The following TTN variants were observed in gnomAD, a reference collection of about 807,000 sequenced individuals.
TTN encodes the protein titin.
In TTN, 1,525 loss-of-function variants were observed where a neutral mutation model predicts 3,223.0. The ratio of observed to expected loss-of-function variants is 0.47; its 90% CI spans 0.45 to 0.49. TTN has a LOEUF of 0.49. Ranked by LOEUF, TTN falls within the 20% of genes least tolerant of loss-of-function variation. The probability of loss-of-function intolerance (pLI) is 0.00; values close to 1 mark genes in which losing one functional copy is unlikely to be tolerated. For synonymous variants in TTN, 14,094 were observed against 15,161.0 expected (o/e 0.93, Z 5.17); for missense variants, 40,786 against 43,424.0 (o/e 0.94, Z 5.40).
At chr2:178,545,308 C>G in intron 344 of TTN, 80 bp downstream of exon 344, 1 of 1,349,504 alleles carries the variant, frequency 7.4e-7, no homozygotes, top group Non-Finnish European at 9.8e-7. Flanking sequence ...TCTAAAAATT[C>G]TTAGAGATTG....
chr2:178,701,228 A>C, intron 110 of TTN, 25 bp from the exon 111 acceptor site: 1 of 1,589,446 alleles, frequency 6.3e-7, no homozygotes, highest in Non-Finnish European at 8.6e-7. Context: ...TGCCGTTAGT[A>C]ACATGTTTTA....
Position 178,769,815 on chromosome 2 carries a change from C to CTCAA in TTN, c.8762_8765dup (p.Glu2922AspfsTer2). ...CAACTATCTTGAACTTTTCACTCAT[C>CTCAA]TCAATTTCCACACCATTCTTCAGCC... On this transcript the variant is annotated stop_gained and frameshift_variant, in exon 37 of 363. Coordinates refer to ENST00000589042, the MANE Select transcript of TTN (RefSeq NM_001267550.2). LOFTEE classifies it high-confidence loss of function. 6.2e-7 allele frequency: 1 copy of CTCAA among 1,614,022 alleles called. No individual in the cohort carries two copies. The highest frequency in any genetic ancestry group is 8.5e-7 in the Non-Finnish European group (1 of 1,179,990).
rs767877928 is a variant in TTN, at chr2:178,634,861, T to TA, written c.42025-13dup. 8.7e-6 allele frequency: 14 copies of TA among 1,602,580 alleles called. No homozygotes were observed. The highest frequency in any genetic ancestry group is 1.2e-5 in the Non-Finnish European group (14 of 1,176,762). On this transcript the variant is annotated splice_polypyrimidine_tract_variant and intron_variant, in intron 228 of 362. Transcript: ENST00000589042. The surrounding 1 kb of genome is among the most constrained non-coding windows in gnomAD (Gnocchi z 4.6). ...TTGATTTCACAAGTCTGAAAAACAA[T>TA]AGTTTTAGTAACCATTTGAAAGAGA...
In TTN at chr2:178,632,946, G is replaced by A. The variant is rs1057519234; in HGVS notation, c.43185C>T (p.Ala14395=). 2.5e-6 allele frequency: 4 copies of A among 1,612,892 alleles called. No homozygotes were observed. The highest frequency in any genetic ancestry group is 1.1e-5 in the South Asian group (1 of 90,984). The change falls in exon 234 of 363, where the codon GCC becomes GCT. Residue 14395 remains alanine, a synonymous_variant. Transcript: ENST00000589042. ...TCACTTTCAGATTGGCTGCAGATTT[G>A]GCATTAGCAGCCTGGAAGGAAACCT... The part of the protein sequence containing the change: ...TGEVSFQAAN[A]KSAANLKVKE...
At position 178,652,189 on chromosome 2, in the gene TTN, A is replaced by T. The variant is rs2063119558; in HGVS notation, c.39212-10T>A. 1 of 1,612,150 alleles carries T rather than the reference A, an allele frequency of 6.2e-7. No homozygotes were observed. The highest frequency in any genetic ancestry group is 1.3e-5 in the African/African-American group (1 of 74,978). On this transcript the variant is annotated splice_polypyrimidine_tract_variant and intron_variant, in intron 203 of 362. Transcript: ENST00000589042. ...TTTGGCACCTCTGGGACTTTAAAAGATATTATTATTTTCATTGTTAGACAA... is the reference window on the plus strand; with the variant it reads ...TTTGGCACCTCTGGGACTTTAAAAGTTATTATTATTTTCATTGTTAGACAA...
intron 21 of TTN, 125 bp downstream of exon 21, chr2:178,780,981 TCCATACAACTGAGGC>T: frequency 5.5e-6 from 6 of 1,084,446 alleles, no homozygotes; most frequent in Non-Finnish European, 8.2e-6. Flanking sequence ...TAAAACATTT[TCCATACAACTGAGGC>T]AAAGACACTG....
chr2:178,562,563 G>C lies in TTN; in HGVS notation c.83569C>G (p.Pro27857Ala). Residue 27857 changes from proline to alanine, a missense_variant, in exon 326 of 363, where the codon CCC becomes GCC. Pro to Ala is a conservative substitution (Grantham distance 27). Coordinates refer to ENST00000589042, the MANE Select transcript of TTN (RefSeq NM_001267550.2). Reference protein sequence around the residue: ...GIGLPAETTEPVKVSEPPLPP... With the variant: ...GIGLPAETTEAVKVSEPPLPP... The stretch of plus-strand genomic sequence containing the variant: ...AGGGGTGGTTCAGACACTTTAACGG[G>C]TTCTGTTGTTTCAGCTGGCAAACCA... 1 of 1,610,720 alleles carries C rather than the reference G, an allele frequency of 6.2e-7. No homozygotes were observed. The highest frequency in any genetic ancestry group is 8.5e-7 in the Non-Finnish European group (1 of 1,178,638).
rs1339519781 is a variant in TTN, at chr2:178,576,439, A to G, written c.69716-23T>C. 3.2e-6 allele frequency: 5 copies of G among 1,582,126 alleles called. No individual in the cohort carries two copies. The African/African-American group carries it at 6.9e-5, about 22-fold the overall frequency. On this transcript the variant is annotated intron_variant, in intron 325 of 362. Transcript: ENST00000589042. This position sits in a 1 kb window ranked among gnomAD's most constrained non-coding sequence, Gnocchi z 4.3. Reference sequence around the variant, plus strand: ...GATCTGAGAAAGAAACAAAGACACAAAAGTATATATTCAGAGTTTGGCTTT... The same window carrying G: ...GATCTGAGAAAGAAACAAAGACACAGAAGTATATATTCAGAGTTTGGCTTT...
At chr2:178,745,441 G>T (rs934371918) in intron 47 of TTN, 1 of 1,464,490 alleles carries the variant, frequency 6.8e-7, no homozygotes, top group Non-Finnish European at 9.0e-7. Context: ...TTTCTACATA[G>T]AGATTATTTC....
At chr2:178,642,494 A>C (rs1010901654) in intron 218 of TTN, among the ~76,000 whole-genome samples, 177 bp from the exon 219 acceptor site, 2 of 151,996 alleles carry the variant, frequency 1.3e-5, no homozygotes, top group Non-Finnish European at 2.9e-5. Context: ...CTCCTCTGCA[A>C]ATATCTATAC....
intron 13 of TTN, among the ~76,000 whole-genome samples, chr2:178,787,271 C>A (rs2093248629): frequency 6.6e-6 from 1 of 151,976 alleles, no homozygotes; most frequent in Admixed American, 6.6e-5. Flanking sequence ...TGATCATGGG[C>A]TTTATCCAGG....
In TTN at chr2:178,678,468, C is replaced by T. The variant is rs376874956; in HGVS notation, c.33856G>A (p.Glu11286Lys). 3.0e-4 allele frequency: 476 copies of T among 1,594,814 alleles called. 1 individual carries two copies. Among genetic ancestry groups the T allele is most frequent in the Middle Eastern group, 5.0e-4 (3 of 6,034 alleles). ...VPEVPKKPVP[E>K]KKVPVPAPKK... The stretch of plus-strand genomic sequence containing the variant: ...GGAGCAGGAACTGGCACCTTCTTCT[C>T]AGGCACAGGCTTCTTGGGTACCTCT... Residue 11286 changes from glutamate (E) to lysine (K), a missense_variant, in exon 144 of 363, where the codon GAG becomes AAG. By Grantham distance (56) the Glu-to-Lys change is moderately conservative. Coordinates refer to ENST00000589042, the MANE Select transcript of TTN (RefSeq NM_001267550.2).
rs866246619 is a variant in TTN, at chr2:178,716,298, T to C, written c.25640-524A>G. Among the ~76,000 whole-genome samples, 54 of 152,290 alleles carry C rather than the reference T, an allele frequency of 3.5e-4. 1 individual carries two copies. The highest frequency in any genetic ancestry group is 2.3e-3 in the Admixed American group (35 of 15,284). On this transcript the variant is annotated intron_variant, in intron 88 of 362. Coordinates refer to ENST00000589042, the MANE Select transcript of TTN (RefSeq NM_001267550.2). The stretch of plus-strand genomic sequence containing the variant: ...TAAATGGGTATTTCCTCAACCTTCA[T>C]AATTTTCCTTTGAAGTGTGTGAGAG...
rs773942530 is a variant in TTN at position 178,666,918 on chromosome 2, A to AT, written c.35798-18dup. On this transcript the variant is annotated splice_polypyrimidine_tract_variant and intron_variant, in intron 162 of 362. Transcript: ENST00000589042. ...CTTCAAACTCTTTAAAGATATTAGTATTTTTTTTAATTGAGAAAAGGCAAA... is the reference window on the plus strand; with the variant it reads ...CTTCAAACTCTTTAAAGATATTAGTATTTTTTTTTAATTGAGAAAAGGCAAA... The AT allele has an allele frequency of 3.4e-5, 51 of 1,507,092 alleles. No homozygotes were observed. The highest frequency in any genetic ancestry group is 1.8e-4 in the Middle Eastern group (1 of 5,534). 93.4% of individuals were successfully genotyped at this position (1,507,092 alleles called of 1,614,324 possible).
Position 178,563,820 on chromosome 2 carries a change from T to C in TTN, c.82312A>G (p.Asn27438Asp), listed in dbSNP as rs2154161681. 6.2e-7 allele frequency: 1 copy of C among 1,613,716 alleles called. No individual in the cohort carries two copies. The highest frequency in any genetic ancestry group is 2.2e-5 in the East Asian group (1 of 44,824). ...GCCATGACACGGAAAATGTACTCAT[T>C]ACCAGGAAGAAGTTTAGTAACTTTG... ...NYKVTKLLPGNEYIFRVMAVN... is the reference protein window; with the variant it reads ...NYKVTKLLPGDEYIFRVMAVN... The change falls in exon 326 of 363, where the codon AAT (asparagine) becomes GAT (aspartate). Residue 27438 changes from asparagine to aspartate, a missense_variant. Coordinates refer to ENST00000589042, the MANE Select transcript of TTN (RefSeq NM_001267550.2). This position sits in a 1 kb window ranked among gnomAD's most constrained non-coding sequence, Gnocchi z 4.5.
At chr2:178,719,506 C>G in intron 82 of TTN, 48 bp downstream of exon 82, 1 of 1,588,706 alleles carries the variant, frequency 6.3e-7, no homozygotes, top group Non-Finnish European at 8.6e-7. Flanking sequence ...CTGTGCCCCT[C>G]CACCCCCTGG....
rs1013209699 is a variant in TTN at position 178,777,511 on chromosome 2, G to A, written c.4554C>T (p.Val1518=). 1.2e-6 allele frequency: 2 copies of A among 1,613,750 alleles called. No homozygotes were observed. The highest frequency in any genetic ancestry group is 1.1e-5 in the South Asian group (1 of 91,078). The change falls in exon 26 of 363, where the codon GTC becomes GTT. Residue 1518 remains valine, a synonymous_variant. Coordinates refer to ENST00000589042, the MANE Select transcript of TTN (RefSeq NM_001267550.2). The stretch of plus-strand genomic sequence containing the variant: ...CCCCAGAATCACTGGGTGTGGCAGG[G>A]ACAATAATTAGTGATTGAGTACCAT... ...KEDGTQSLII[V]PATPSDSGEW...
intron 15 of TTN, 121 bp from the exon 16 acceptor site, chr2:178,784,472 C>T (rs1653455295): frequency 1.7e-6 from 2 of 1,165,076 alleles, no homozygotes; most frequent in African/African-American, 3.1e-5. Flanking sequence ...CATTAGCACT[C>T]ATTATCACAC....
At position 178,602,440 on chromosome 2, in the gene TTN, CTT is replaced by C; in HGVS notation, c.54960_54961del (p.Arg18321SerfsTer3). 6.2e-7 allele frequency: 1 copy of C among 1,612,560 alleles called. No homozygotes were observed. ...TATAAGTTTGTCTGGTTCATTTACT[CTT>C]TTCCAGTCAGTAGTACCTTCTTCTT... On this transcript the variant is annotated frameshift_variant, in exon 283 of 363. Coordinates refer to ENST00000589042, the MANE Select transcript of TTN (RefSeq NM_001267550.2). LOFTEE classifies it high-confidence loss of function.
Sources: allele counts gnomAD v4.1 joint callset (sites outside exome capture counted in the v4.1 genomes callset), GRCh38; gene constraint gnomAD v4.1.1; non-coding constraint Gnocchi (gnomAD v3.1); transcripts MANE v1.5; gene names NCBI Gene and HGNC (gene_info 2026-07-23, HGNC 2026-07-21).